TSPEAR: variants seen among roughly 807,000 people sequenced by gnomAD.
TSPEAR encodes thrombospondin type laminin G domain and EAR repeats, also known as thrombospondin-type laminin G domain and EAR repeat-containing protein.
A neutral mutation model predicts 71.6 loss-of-function variants in TSPEAR; 69 were observed. The observed-to-expected ratio is 0.96, with a 90% CI of 0.79 to 1.18. The LOEUF is 1.18. Ranked by LOEUF, TSPEAR falls within the 50% of genes most tolerant of loss-of-function variation. The probability of loss-of-function intolerance (pLI) is 0.00; values close to 1 mark genes in which losing one functional copy is unlikely to be tolerated. For synonymous variants in TSPEAR, 402 were observed against 387.2 expected (o/e 1.04, Z -0.45); for missense variants, 971 against 894.9 (o/e 1.09, Z -1.09).
At chr21:44,680,646 T>C (rs1555947776) in intron 1 of TSPEAR, among the ~76,000 whole-genome samples, 1 of 152,214 alleles carries the variant, frequency 6.6e-6, no homozygotes, top group East Asian at 1.9e-4. Flanking sequence ...CCTAAATGTC[T>C]ATCAATAAAT....
At chr21:44,622,256 T>C (rs1982486552) in intron 1 of TSPEAR, among the ~76,000 whole-genome samples, 2 of 152,200 alleles carry the variant, frequency 1.3e-5, no homozygotes, top group South Asian at 4.1e-4. Flanking sequence ...GCTGATACGT[T>C]TGAGCTTAAA....
At chr21:44,569,928 G>A (rs1432374829) in intron 1 of TSPEAR, among the ~76,000 whole-genome samples, 5 of 152,100 alleles carry the variant, frequency 3.3e-5, no homozygotes, top group African/African-American at 1.2e-4. Flanking sequence ...TTGGGGATGA[G>A]ACTCCACATA....
chr21:44,518,137 T>C lies in TSPEAR; in HGVS notation c.1566+3746A>G, dbSNP rs1163808147. On this transcript the variant is annotated intron_variant, in intron 9 of 11. Coordinates refer to ENST00000323084, the MANE Select transcript of TSPEAR (RefSeq NM_144991.3). ...TCTGTCTCATTAGTAGCATTTTTTA[T>C]TTCGTAAGTGCAGTATCATCTTGAA... is the stretch of plus-strand genomic sequence containing the variant. 15 of 357,246 alleles carry C rather than the reference T, an allele frequency of 4.2e-5. No individual in the cohort carries two copies. The East Asian group carries it at 1.2e-3, about 28-fold the overall frequency. 22.1% of individuals were successfully genotyped at this position (357,246 alleles called of 1,614,324 possible).
chr21:44,604,096 G>A (rs192697579), intron 1 of TSPEAR, among the ~76,000 whole-genome samples: 2 of 152,290 alleles, frequency 1.3e-5, no homozygotes, highest in Admixed American at 1.3e-4. Context: ...CCACTTCCAC[G>A]CCACAGGTTG....
chr21:44,645,992 C>T (rs941964837), intron 1 of TSPEAR, among the ~76,000 whole-genome samples: 1 of 150,922 alleles, frequency 6.6e-6, no homozygotes, highest in Non-Finnish European at 1.5e-5. Context: ...ACAAAAATTA[C>T]AGCGTGCCTG....
chr21:44,514,867 CCTCA>C (rs1318156531), intron 9 of TSPEAR, among the ~76,000 whole-genome samples: 27 of 152,276 alleles, frequency 1.8e-4, no homozygotes, highest in African/African-American at 5.1e-4. Flanking sequence ...GCAGCCAGCT[CCTCA>C]CTCATATCTG....
rs1985415367 is a variant in TSPEAR, at chr21:44,660,219, A to C, written c.82+51214T>G. On this transcript the variant is annotated intron_variant, in intron 1 of 11. Transcript: ENST00000323084. ...CAGAAGAAATATTTAAAGAGGTAAT[A>C]GTTGAGAAATATTCTAAAAATAATG... Among the ~76,000 whole-genome samples, 4 of 152,242 alleles carry C rather than the reference A, an allele frequency of 2.6e-5. No homozygotes were observed. In the South Asian group the frequency reaches 6.2e-4, roughly 24 times the overall value.
intron 1 of TSPEAR, among the ~76,000 whole-genome samples, chr21:44,703,166 C>T (rs1176860017): frequency 6.6e-6 from 1 of 152,248 alleles, no homozygotes; most frequent in Non-Finnish European, 1.5e-5. Context: ...TGCTCCTCTC[C>T]CAGCCTAGTG....
At chr21:44,692,093 G>T (rs1335835376) in intron 1 of TSPEAR, among the ~76,000 whole-genome samples, 3 of 152,168 alleles carry the variant, frequency 2.0e-5, no homozygotes, top group Non-Finnish European at 2.9e-5. Context: ...CGAAGAGAAT[G>T]AAGTGAAAAA....
At chr21:44,611,311 C>T (rs587695594) in intron 1 of TSPEAR, among the ~76,000 whole-genome samples, 35 of 152,090 alleles carry the variant, frequency 2.3e-4, no homozygotes, top group African/African-American at 8.2e-4. Context: ...TCATGGGGGC[C>T]GGTCTTTTCC....
At chr21:44,611,829 C>A (rs1981694822) in intron 1 of TSPEAR, among the ~76,000 whole-genome samples, 1 of 152,188 alleles carries the variant, frequency 6.6e-6, no homozygotes, top group East Asian at 1.9e-4. Flanking sequence ...AGACACGCAG[C>A]ATCACTGTGT....
chr21:44,702,328 CT>C (rs1704798581), intron 1 of TSPEAR: 1 of 1,609,654 alleles, frequency 6.2e-7, no homozygotes, highest in South Asian at 1.1e-5. Flanking sequence ...CTGCCTGACC[CT>C]GGTCTGCACC....
intron 1 of TSPEAR, among the ~76,000 whole-genome samples, chr21:44,636,518 A>G (rs1235785015): frequency 1.3e-5 from 2 of 152,206 alleles, no homozygotes; most frequent in African/African-American, 4.8e-5. Context: ...AATTCACATC[A>G]CATTTCAACT....
chr21:44,707,822 C>T (rs1409661773), intron 1 of TSPEAR, among the ~76,000 whole-genome samples: 1 of 152,062 alleles, frequency 6.6e-6, no homozygotes, highest in Admixed American at 6.6e-5. Flanking sequence ...TGAATGGATT[C>T]AGTAAATAAA....
chr21:44,529,067 C>T (rs1555915358), intron 5 of TSPEAR, among the ~76,000 whole-genome samples: 1 of 152,206 alleles, frequency 6.6e-6, no homozygotes, highest in Non-Finnish European at 1.5e-5. Context: ...GTGCACCTGC[C>T]AGCCGGTGCT....
At chr21:44,572,257 C>G (rs382478) in intron 1 of TSPEAR, among the ~76,000 whole-genome samples, 103,352 of 151,744 alleles carry the variant, frequency 0.68, 36,425 homozygotes, top group Non-Finnish European at 0.78. Context: ...GTCGAGGAGA[C>G]CTTTCAGCCA....
At chr21:44,559,208 G>A (rs587747562) in intron 2 of TSPEAR, among the ~76,000 whole-genome samples, 2 of 152,340 alleles carry the variant, frequency 1.3e-5, no homozygotes, top group East Asian at 3.9e-4. Context: ...GTGTTCTGCT[G>A]TGGACAAGTT....
At chr21:44,533,267 A>G (rs117868216) in intron 3 of TSPEAR, among the ~76,000 whole-genome samples, 2,250 of 152,302 alleles carry the variant, frequency 0.015, 28 homozygotes, top group Non-Finnish European at 0.024. Context: ...GTTCTCGCCA[A>G]TGTCCACTCT....
chr21:44,680,484 C>G (rs782429272), intron 1 of TSPEAR, among the ~76,000 whole-genome samples: 4 of 152,162 alleles, frequency 2.6e-5, no homozygotes, highest in Non-Finnish European at 5.9e-5. Flanking sequence ...AAACGGTATA[C>G]AGATTTCTCA....
Sources: gnomAD v4.1 joint callset for allele counts (sites outside exome capture counted in the v4.1 genomes callset) on GRCh38, gnomAD v4.1.1 for gene constraint, MANE v1.5 for transcripts, NCBI Gene and HGNC (gene_info 2026-07-23, HGNC 2026-07-21) for gene names.